The following CADM1 variants were observed in gnomAD, a reference collection of about 807,000 sequenced individuals.
CADM1 encodes TSLC-1.
Under a neutral mutation model 53.1 loss-of-function variants are expected in CADM1, and 15 were observed. The ratio of observed to expected loss-of-function variants is 0.28; its 90% CI spans 0.19 to 0.44. The LOEUF (loss-of-function observed/expected upper bound fraction) is 0.44, where lower values mean the gene tolerates loss of function less well. CADM1 is among the 20% of genes least tolerant of loss of function. The probability of loss-of-function intolerance (pLI) is 1.00; values close to 1 mark genes in which losing one functional copy is unlikely to be tolerated. For synonymous variants in CADM1, 281 were observed against 243.0 expected (o/e 1.16, Z -1.45); for missense variants, 434 against 611.3 (o/e 0.71, Z 3.06).
intron 2 of CADM1, 138 bp from the exon 3 acceptor site, chr11:115,238,790 C>CA: frequency 1.2e-6 from 1 of 833,040 alleles, no homozygotes; most frequent in Non-Finnish European, 2.0e-6. Context: ...TTCATGTAGA[C>CA]AAATAACCTT....
intron 1 of CADM1, among the ~76,000 whole-genome samples, chr11:115,330,451 T>G (rs1458167272): frequency 6.6e-6 from 1 of 152,180 alleles, no homozygotes; most frequent in Non-Finnish European, 1.5e-5. Flanking sequence ...ATGTGTGATT[T>G]CATTTCTTTT....
chr11:115,398,455 G>A (rs898149860), intron 1 of CADM1, among the ~76,000 whole-genome samples: 1 of 152,100 alleles, frequency 6.6e-6, no homozygotes, highest in African/African-American at 2.4e-5. Context: ...TCTGACTTGT[G>A]TCTCTCCAAC....
chr11:115,469,477 GGTCA>G (rs999083963), intron 1 of CADM1, among the ~76,000 whole-genome samples: 2 of 152,154 alleles, frequency 1.3e-5, no homozygotes, highest in Admixed American at 1.3e-4. Flanking sequence ...GAAACCAGGT[GGTCA>G]GTCTCTTGTT....
intron 1 of CADM1, among the ~76,000 whole-genome samples, chr11:115,436,660 A>G (rs1302074456): frequency 6.6e-6 from 1 of 152,204 alleles, no homozygotes; most frequent in African/African-American, 2.4e-5. Flanking sequence ...CAGGAGAATC[A>G]ACTAAGAGAA....
chr11:115,196,358 C>T (rs1391414234), intron 9 of CADM1, among the ~76,000 whole-genome samples: 1 of 152,008 alleles, frequency 6.6e-6, no homozygotes, highest in Non-Finnish European at 1.5e-5. Flanking sequence ...ACTCTGAGAC[C>T]TACATCCACT....
Position 115,319,225 on chromosome 11 carries a change from A to G in CADM1, c.125-78805T>C, listed in dbSNP as rs553138366. On this transcript the variant is annotated intron_variant, in intron 1 of 11. Transcript: ENST00000331581. Reference sequence around the variant, plus strand: ...CCCTCACATCTAGGTCATGAGCTTTAAGAGGAAGTGTTGCGTGGGTTGGAA... The same window carrying G: ...CCCTCACATCTAGGTCATGAGCTTTGAGAGGAAGTGTTGCGTGGGTTGGAA... Among the ~76,000 whole-genome samples, 5 of 152,276 alleles carry G rather than the reference A, an allele frequency of 3.3e-5. 1 individual carries two copies. The East Asian group carries it at 9.7e-4, about 30-fold the overall frequency.
intron 1 of CADM1, among the ~76,000 whole-genome samples, chr11:115,258,209 T>C (rs1289894559): frequency 2.6e-5 from 4 of 152,172 alleles, no homozygotes; most frequent in Non-Finnish European, 5.9e-5. Flanking sequence ...TTTATCCGAA[T>C]GTTAATCCAT....
At position 115,169,819 on chromosome 11, in the gene CADM1, T is replaced by C. The variant is rs997279569; in HGVS notation, c.*6655A>G. On this transcript the variant is annotated 3_prime_UTR_variant, in exon 12 of 12. Coordinates refer to ENST00000331581, the MANE Select transcript of CADM1 (RefSeq NM_001301043.2). ...CAGCATCCATTGCAGGTTTAAACGATGAAATACACAACTACAGAGAAAACA... is the reference window on the plus strand; with the variant it reads ...CAGCATCCATTGCAGGTTTAAACGACGAAATACACAACTACAGAGAAAACA... The C allele has an allele frequency of 4.8e-5, 14 of 293,604 alleles. No individual in the cohort carries two copies. Among genetic ancestry groups the C allele is most frequent in the South Asian group, 2.4e-4 (8 of 33,524 alleles). The allele number at this position is 293,604 out of a possible 1,614,324, so 18.2% of individuals were successfully genotyped here.
chr11:115,267,756 G>T (rs1314062869), intron 1 of CADM1, among the ~76,000 whole-genome samples: 5 of 135,256 alleles, frequency 3.7e-5, no homozygotes, highest in African/African-American at 1.4e-4. Context: ...TAACCCCTTT[G>T]GTTCCTTTAA....
intron 10 of CADM1, chr11:115,179,035 GA>G (rs1012792438): frequency 2.1e-6 from 1 of 483,774 alleles, no homozygotes. Flanking sequence ...GGGAGGCAGG[GA>G]AGGAAGAAAT....
chr11:115,209,704 A>G (rs1216381125), intron 7 of CADM1, 47 bp from the exon 8 acceptor site: 3 of 1,607,176 alleles, frequency 1.9e-6, no homozygotes, highest in South Asian at 1.1e-5. Context: ...GCTGAACACA[A>G]CAATGACCAG....
chr11:115,265,892 A>T (rs77069794), intron 1 of CADM1, among the ~76,000 whole-genome samples: 1 of 152,282 alleles, frequency 6.6e-6, no homozygotes, highest in East Asian at 1.9e-4. Flanking sequence ...CATGTAGCTC[A>T]ATTAGGAGGA....
intron 1 of CADM1, among the ~76,000 whole-genome samples, chr11:115,494,940 G>A (rs958840591): frequency 2.0e-5 from 3 of 152,102 alleles, no homozygotes; most frequent in African/African-American, 7.2e-5. Context: ...GGAGAGATTT[G>A]CTTCAGGAAA....
chr11:115,317,338 T>A (rs1944694724), intron 1 of CADM1, among the ~76,000 whole-genome samples: 1 of 152,166 alleles, frequency 6.6e-6, no homozygotes, highest in Non-Finnish European at 1.5e-5. Context: ...CCTGTGGGTC[T>A]CTAAAGAGCA....
At chr11:115,503,802 C>T (rs559013556) in intron 1 of CADM1, among the ~76,000 whole-genome samples, 79 of 151,842 alleles carry the variant, frequency 5.2e-4, no homozygotes, top group African/African-American at 1.9e-3. Flanking sequence ...GGGAGTCAGC[C>T]ACCAGGAGGC....
At chr11:115,384,691 G>T (rs1946657033) in intron 1 of CADM1, among the ~76,000 whole-genome samples, 4 of 152,178 alleles carry the variant, frequency 2.6e-5, no homozygotes, top group Admixed American at 2.6e-4. Flanking sequence ...GAAAGGCTGT[G>T]CAATTCACAC....
intron 1 of CADM1, among the ~76,000 whole-genome samples, chr11:115,336,262 T>C (rs1470549076): frequency 6.6e-6 from 1 of 152,142 alleles, no homozygotes; most frequent in African/African-American, 2.4e-5. Flanking sequence ...CCATTGCTTT[T>C]GCACCATCAG....
intron 1 of CADM1, among the ~76,000 whole-genome samples, chr11:115,487,314 A>C (rs1334199507): frequency 6.6e-6 from 1 of 152,274 alleles, no homozygotes; most frequent in Non-Finnish European, 1.5e-5. Flanking sequence ...CAGTTATTCC[A>C]TTATAAGTAC....
intron 1 of CADM1, among the ~76,000 whole-genome samples, chr11:115,426,905 A>G (rs1439854174): frequency 6.6e-6 from 1 of 152,182 alleles, no homozygotes; most frequent in Non-Finnish European, 1.5e-5. Context: ...CCTGGCATGT[A>G]TATTAACAAA....
Sources: gnomAD v4.1 joint callset for allele counts (sites outside exome capture counted in the v4.1 genomes callset) on GRCh38, gnomAD v4.1.1 for gene constraint, MANE v1.5 for transcripts, NCBI Gene and HGNC (gene_info 2026-07-23, HGNC 2026-07-21) for gene names.